The following VPS13B variants were observed in gnomAD, a reference collection of about 807,000 sequenced individuals.
The protein encoded by VPS13B is vacuolar protein sorting 13 homolog B.
A neutral mutation model predicts 426.4 loss-of-function variants in VPS13B; 285 were observed. The observed-to-expected ratio is 0.67, with a 90% CI of 0.61 to 0.74. The LOEUF (loss-of-function observed/expected upper bound fraction) is 0.74. Ranked by LOEUF, VPS13B falls within the 30% of genes least tolerant of loss-of-function variation. The pLI, the probability that VPS13B is intolerant of heterozygous loss-of-function variation, is 0.00. For synonymous variants in VPS13B, 1,676 were observed against 1,676.4 expected, an observed-to-expected ratio of 1.00 and a Z score of 0.01; for missense variants, 4,537 against 4,782.6, an observed-to-expected ratio of 0.95 and a Z score of 1.51.
At chr8:99,541,368 G>T (rs184682036) in intron 30 of VPS13B, among the ~76,000 whole-genome samples, 2 of 151,870 alleles carry the variant, frequency 1.3e-5, no homozygotes, top group African/African-American at 4.8e-5. Context: ...TGGATTACAC[G>T]TGCTGGACAT....
At chr8:99,815,836 TG>T (rs1234648893) in intron 44 of VPS13B, among the ~76,000 whole-genome samples, 2 of 152,146 alleles carry the variant, frequency 1.3e-5, no homozygotes, top group Non-Finnish European at 1.5e-5. Context: ...AGAAAACATT[TG>T]TTGTTTTTTG....
Position 99,736,816 on chromosome 8 carries a change from C to T in VPS13B, c.7050+15769C>T, listed in dbSNP as rs529233239. Reference sequence around the variant, plus strand: ...CTAGTGTCAGACATTACGCTGAGAGCTTTATGTAATAATCTCGTTCAGTCC... The same window carrying T: ...CTAGTGTCAGACATTACGCTGAGAGTTTTATGTAATAATCTCGTTCAGTCC... On this transcript the variant is annotated intron_variant, in intron 39 of 61. Coordinates refer to ENST00000357162, the MANE Select transcript of VPS13B (RefSeq NM_152564.5). 9.9e-5 allele frequency among the ~76,000 whole-genome samples: 15 copies of T among 152,132 alleles called. No homozygotes were observed. The East Asian group carries it at 2.9e-3, about 29-fold the overall frequency.
intron 3 of VPS13B, among the ~76,000 whole-genome samples, chr8:99,065,238 A>G (rs931740745): frequency 2.6e-5 from 4 of 152,200 alleles, no homozygotes; most frequent in Non-Finnish European, 5.9e-5. Context: ...ATATCCCTGA[A>G]TGAACATTGA....
At chr8:99,668,151 T>G (rs1004966027) in intron 35 of VPS13B, among the ~76,000 whole-genome samples, 2 of 152,044 alleles carry the variant, frequency 1.3e-5, no homozygotes, top group Non-Finnish European at 2.9e-5. Context: ...TTCCACCTAT[T>G]TTTTTTCTTG....
intron 17 of VPS13B, among the ~76,000 whole-genome samples, chr8:99,239,965 A>G (rs1710713723): frequency 6.6e-6 from 1 of 152,184 alleles, no homozygotes; most frequent in Non-Finnish European, 1.5e-5. Context: ...GTAGAGGGGT[A>G]GGATTTGTAT....
At chr8:99,798,012 T>A (rs576842354) in intron 43 of VPS13B, among the ~76,000 whole-genome samples, 1 of 152,256 alleles carries the variant, frequency 6.6e-6, no homozygotes, top group African/African-American at 2.4e-5. Context: ...TTTATGCCTT[T>A]GCTCCCGAGT....
intron 61 of VPS13B, among the ~76,000 whole-genome samples, chr8:99,872,304 GTC>G (rs959231944): frequency 2.0e-5 from 3 of 152,168 alleles, no homozygotes; most frequent in Non-Finnish European, 4.4e-5. Context: ...TTGTGAAGTG[GTC>G]TCTCTCTCAA....
chr8:99,315,178 T>G (rs1218962479), intron 19 of VPS13B, among the ~76,000 whole-genome samples: 1 of 152,208 alleles, frequency 6.6e-6, no homozygotes, highest in Non-Finnish European at 1.5e-5. Context: ...TCTAAATCTC[T>G]TGCTAAACTT....
intron 2 of VPS13B, among the ~76,000 whole-genome samples, chr8:99,030,431 A>G (rs1285853605): frequency 6.7e-6 from 1 of 149,016 alleles, no homozygotes; most frequent in Non-Finnish European, 1.5e-5. Flanking sequence ...GTTAACTGGT[A>G]TGTCTAAATT....
At chr8:99,425,037 G>C (rs1434696250) in intron 21 of VPS13B, among the ~76,000 whole-genome samples, 1 of 152,134 alleles carries the variant, frequency 6.6e-6, no homozygotes, top group East Asian at 1.9e-4. Flanking sequence ...TCTCTGAATA[G>C]ACCAATAACA....
chr8:99,710,926 A>T (rs1832686941), intron 36 of VPS13B, among the ~76,000 whole-genome samples: 1 of 152,020 alleles, frequency 6.6e-6, no homozygotes, highest in Admixed American at 6.6e-5. Context: ...AATTGCTTGA[A>T]CCAGGGAGGT....
intron 21 of VPS13B, among the ~76,000 whole-genome samples, chr8:99,422,472 A>C (rs2133383342): frequency 6.6e-6 from 1 of 152,278 alleles, no homozygotes; most frequent in East Asian, 1.9e-4. Context: ...ATATAGTACT[A>C]ATATTTTTCA....
intron 16 of VPS13B, among the ~76,000 whole-genome samples, chr8:99,178,406 G>T (rs1205088717): frequency 1.3e-5 from 2 of 148,392 alleles, no homozygotes; most frequent in Non-Finnish European, 3.0e-5. Flanking sequence ...TCTAATAATA[G>T]CATCATAATC....
intron 15 of VPS13B, among the ~76,000 whole-genome samples, chr8:99,163,190 C>G (rs1441515886): frequency 6.6e-6 from 1 of 151,874 alleles, no homozygotes; most frequent in Admixed American, 6.6e-5. Context: ...CAAGGCCCCA[C>G]CAGAGCAGCT....
chr8:99,638,013 A>T (rs1014848865), intron 33 of VPS13B, among the ~76,000 whole-genome samples: 4 of 152,106 alleles, frequency 2.6e-5, no homozygotes, highest in South Asian at 2.1e-4. Flanking sequence ...ACTTGATTTC[A>T]TCACTTTTCA....
At chr8:99,057,282 T>G (rs2132286418) in intron 3 of VPS13B, among the ~76,000 whole-genome samples, 1 of 152,320 alleles carries the variant, frequency 6.6e-6, no homozygotes, top group East Asian at 1.9e-4. Context: ...CATGATGCCG[T>G]TGTAAGCACT....
intron 20 of VPS13B, among the ~76,000 whole-genome samples, chr8:99,390,425 A>C (rs1015938798): frequency 6.6e-6 from 1 of 151,778 alleles, no homozygotes; most frequent in East Asian, 1.9e-4. Flanking sequence ...CCTTTTTTTT[A>C]CTCAGTGTGA....
chr8:99,689,548 T>C (rs1831560099), intron 35 of VPS13B, among the ~76,000 whole-genome samples: 1 of 152,084 alleles, frequency 6.6e-6, no homozygotes, highest in South Asian at 2.1e-4. Context: ...CTTGGCACAG[T>C]GGTGCACACC....
rs1461520675 is a variant in VPS13B, at chr8:99,692,532, G to A, written c.6047-6993G>A. Among the ~76,000 whole-genome samples the A allele has an allele frequency of 8.8e-4, 130 of 147,768 alleles. 1 individual carries two copies. The highest frequency in any genetic ancestry group is 1.7e-3 in the South Asian group (8 of 4,612). ...CACAACATACCAGAATCTCTGGGAC[G>A]CATTCAAAGCAGTGTGTAGAGGGAA... On this transcript the variant is annotated intron_variant, in intron 35 of 61. Transcript: ENST00000357162.
Sources: allele counts gnomAD v4.1 joint callset (sites outside exome capture counted in the v4.1 genomes callset), GRCh38; gene constraint gnomAD v4.1.1; transcripts MANE v1.5; gene names NCBI Gene and HGNC (gene_info 2026-07-23, HGNC 2026-07-21).